Variants in ZNF718 observed in about 807,000 individuals in gnomAD.
The protein encoded by ZNF718 is zinc finger protein 718.
In ZNF718, 3 loss-of-function variants were observed where a neutral mutation model predicts 2.6. That is an observed-to-expected ratio of 1.16 (90% confidence interval 0.53 to 3.01). ZNF718 has a LOEUF of 3.01. Among genes scored for constraint, ZNF718 ranks in the 30% most tolerant of loss-of-function variants. The probability of loss-of-function intolerance (pLI) is 0.03; values close to 1 mark genes in which losing one functional copy is unlikely to be tolerated. For synonymous variants in ZNF718, 135 were observed against 77.9 expected (o/e 1.73, Z -3.86); for missense variants, 468 against 230.0 (o/e 2.03, Z -6.69).
chr4:153,768 T>C lies in ZNF718; in HGVS notation c.227-7144T>C, dbSNP rs966288358. ...AGAAGGGCCACATTTGACAAATCTA[T>C]GGCTGAACAAATCTGTATACTGAAC... On this transcript the variant is annotated intron_variant, in intron 3 of 3. Transcript: ENST00000510175. 2.0e-5 allele frequency among the ~76,000 whole-genome samples: 3 copies of C among 152,198 alleles called. No individual in the cohort carries two copies. The South Asian group carries it at 6.2e-4, about 32-fold the overall frequency.
chr4:160,076 G>C (rs1355787469), intron 3 of ZNF718, among the ~76,000 whole-genome samples: 1 of 152,102 alleles, frequency 6.6e-6, no homozygotes, highest in African/African-American at 2.4e-5. Flanking sequence ...CCTGTTTTTA[G>C]CACTGCTGTC....
At chr4:179,764 A>G (rs782437662) in intron 3 of ZNF718, among the ~76,000 whole-genome samples, 3 of 152,186 alleles carry the variant, frequency 2.0e-5, no homozygotes, top group African/African-American at 4.8e-5. Context: ...CTTTGGCCCA[A>G]TCTCACACAC....
chr4:166,261 T>G (rs1171091671), downstream of ZNF718, among the ~76,000 whole-genome samples: 2 of 152,234 alleles, frequency 1.3e-5, no homozygotes, highest in African/African-American at 2.4e-5. Context: ...GTTGGACATT[T>G]GGGTTGGTTC....
At chr4:151,395 C>G (rs1452520284) in intron 3 of ZNF718, among the ~76,000 whole-genome samples, 1 of 152,156 alleles carries the variant, frequency 6.6e-6, no homozygotes, top group Non-Finnish European at 1.5e-5. Context: ...CATGAGCCAC[C>G]AAGCCCAGGC....
intron 1 of ZNF718, 31 bp from the exon 2 acceptor site, chr4:130,757 A>G (rs1715330024): frequency 3.2e-6 from 1 of 315,996 alleles, no homozygotes; most frequent in Non-Finnish European, 5.7e-6. Flanking sequence ...AAAAAAAAGA[A>G]TTCTGTCACT....
intron 3 of ZNF718, among the ~76,000 whole-genome samples, chr4:148,438 A>G (rs868960273): frequency 3.3e-5 from 5 of 151,852 alleles, no homozygotes; most frequent in Admixed American, 2.0e-4. Flanking sequence ...GCCAAATCCC[A>G]TCTCTACTAA....
At chr4:166,197 T>C (rs1459620700), downstream of ZNF718, among the ~76,000 whole-genome samples, 2 of 152,226 alleles carry the variant, frequency 1.3e-5, no homozygotes, top group African/African-American at 4.8e-5. Flanking sequence ...TTTTTATGGC[T>C]GCATAGTATT....
chr4:149,186 A>G (rs1716207126), intron 3 of ZNF718, among the ~76,000 whole-genome samples: 1 of 152,196 alleles, frequency 6.6e-6, no homozygotes, highest in South Asian at 2.1e-4. Flanking sequence ...TTCAAATTCA[A>G]AATTTCTGAA....
In ZNF718 at chr4:161,700, T is replaced by G; in HGVS notation, c.1015T>G (p.Tyr339Asp). Reference protein sequence around the residue: ...HKRIHTGEKPYKCEECGKSFN... With the variant: ...HKRIHTGEKPDKCEECGKSFN... The stretch of plus-strand genomic sequence containing the variant: ...GAGAATTCATACAGGAGAGAAACCC[T>G]ACAAATGTGAAGAATGTGGAAAATC... The change falls in exon 4 of 4, where the codon TAC becomes GAC. Residue 339 changes from tyrosine (Y) to aspartate (D), a missense_variant. Coordinates refer to ENST00000510175, the MANE Select transcript of ZNF718 (RefSeq NM_001039127.6). 1 of 779,068 alleles carries G rather than the reference T, an allele frequency of 1.3e-6. No individual in the cohort carries two copies. Among genetic ancestry groups the G allele is most frequent in the East Asian group, 2.4e-5 (1 of 41,178 alleles). The allele number at this position is 779,068 out of a possible 1,614,324, so 48.3% of individuals were successfully genotyped here.
At position 200,483 on chromosome 4, in the gene ZNF718, G is replaced by A. The variant is rs1477011643; in HGVS notation, c.227-598G>A. ...AGGGTTTCACCATGTTGGCCAGGCT[G>A]GTCTTGAACTCATGACCTCATGATC... On this transcript the variant is annotated intron_variant and NMD_transcript_variant, in intron 3 of 4. Coordinates refer to the ZNF718 transcript ENST00000642529. 2.0e-5 allele frequency among the ~76,000 whole-genome samples: 3 copies of A among 152,248 alleles called. No homozygotes were observed. In the East Asian group the frequency reaches 5.8e-4, roughly 29 times the overall value.
downstream of ZNF718, among the ~76,000 whole-genome samples, chr4:168,568 A>G (rs1289803806): frequency 6.6e-6 from 1 of 151,816 alleles, no homozygotes; most frequent in Non-Finnish European, 1.5e-5. Flanking sequence ...ACTTTTTCCT[A>G]GTTTAGTCTT....
At chr4:139,820 G>C (rs1553810021) in intron 3 of ZNF718, among the ~76,000 whole-genome samples, 2 of 152,120 alleles carry the variant, frequency 1.3e-5, no homozygotes, top group Non-Finnish European at 2.9e-5. Flanking sequence ...TGGAACACTT[G>C]GTGGGCAGCA....
chr4:136,525 T>TA, intron 3 of ZNF718: 1 of 516,468 alleles, frequency 1.9e-6, no homozygotes, highest in Non-Finnish European at 3.9e-6. Flanking sequence ...CAGCCATGTC[T>TA]ATGGGCTCTT....
chr4:201,463 G>T (rs1717898775), intron 4 of ZNF718: 1 of 152,828 alleles, frequency 6.5e-6, no homozygotes, highest in South Asian at 2.1e-4. Context: ...AATAAGTCAA[G>T]ATGTTGTGTT....
intron 3 of ZNF718, among the ~76,000 whole-genome samples, chr4:188,030 C>T (rs187984246): frequency 1.1e-4 from 16 of 152,288 alleles, no homozygotes; most frequent in East Asian, 7.7e-4. Context: ...TGCCATGCCT[C>T]GACAAAACAG....
At chr4:128,173 C>T (rs1184129426) in intron 1 of ZNF718, among the ~76,000 whole-genome samples, 1 of 104,080 alleles carries the variant, frequency 9.6e-6, no homozygotes, top group African/African-American at 3.3e-5. Context: ...CTGGGATTCC[C>T]AACACTGGAC....
chr4:198,386 C>A (rs73793539), intron 3 of ZNF718, among the ~76,000 whole-genome samples: 2,147 of 152,228 alleles, frequency 0.014, 53 homozygotes, highest in African/African-American at 0.049. Context: ...GAGAACAAGA[C>A]CCCCTCAGGT....
At chr4:148,631 A>T (rs1156378996) in intron 3 of ZNF718, among the ~76,000 whole-genome samples, 1 of 151,396 alleles carries the variant, frequency 6.6e-6, no homozygotes, top group Non-Finnish European at 1.5e-5. Flanking sequence ...AAAAAAAAAA[A>T]AATCCACCAT....
intron 3 of ZNF718, among the ~76,000 whole-genome samples, chr4:149,459 CTG>C (rs1309268632): frequency 6.6e-6 from 1 of 152,050 alleles, no homozygotes; most frequent in African/African-American, 2.4e-5. Flanking sequence ...CTCCATTTTA[CTG>C]GGCAATCTTT....
Sources: allele counts gnomAD v4.1 joint callset (sites outside exome capture counted in the v4.1 genomes callset), GRCh38; gene constraint gnomAD v4.1.1; transcripts MANE v1.5; gene names NCBI Gene and HGNC (gene_info 2026-07-23, HGNC 2026-07-21).